Variants in SLC30A10 observed in about 807,000 individuals in gnomAD.
SLC30A10 encodes calcium/manganese antiporter SLC30A10.
SLC30A10 carries 8 observed loss-of-function variants against 21.7 expected under a neutral mutation model. The observed-to-expected ratio is 0.37, with a 90% CI of 0.22 to 0.67. The LOEUF (loss-of-function observed/expected upper bound fraction) is 0.67. Ranked by LOEUF, SLC30A10 falls within the 30% of genes least tolerant of loss-of-function variation. SLC30A10 has a pLI of 0.58. For synonymous variants in SLC30A10, 272 were observed against 279.4 expected (o/e 0.97, Z 0.26); for missense variants, 521 against 642.5 (o/e 0.81, Z 2.04).
chr1:219,943,466 C>G (rs1477396727), intron 1 of SLC30A10, among the ~76,000 whole-genome samples: 1 of 152,132 alleles, frequency 6.6e-6, no homozygotes, highest in Non-Finnish European at 1.5e-5. Flanking sequence ...ACCCCTTCCA[C>G]CAGCACAGTG....
upstream of SLC30A10, among the ~76,000 whole-genome samples, chr1:219,930,439 C>T (rs1313375593): frequency 2.6e-5 from 4 of 152,186 alleles, no homozygotes; most frequent in Non-Finnish European, 5.9e-5. Flanking sequence ...TGCCACTGCA[C>T]TCCAGCCTGG....
At chr1:219,917,708 CTTT>C (rs35106027) in intron 3 of SLC30A10, among the ~76,000 whole-genome samples, 7 of 104,066 alleles carry the variant, frequency 6.7e-5, no homozygotes, top group Non-Finnish European at 1.1e-4. Flanking sequence ...TTTTTCTTTC[CTTT>C]TTTTTTTTTT....
chr1:219,927,155 CAAAA>C, intron 1 of SLC30A10, 50 bp from the exon 2 acceptor site: 1 of 1,559,168 alleles, frequency 6.4e-7, no homozygotes, highest in Middle Eastern at 1.7e-4. Flanking sequence ...TACAAACAAA[CAAAA>C]AAAAACCAAT....
rs1659401007 is a variant in SLC30A10 at position 219,911,149 on chromosome 1, G to GTTATTTTTTTTTTTTTTTTTTTTT, written c.*4299_*4300insAAAAAAAAAAAAAAAAAAAAATAA. Among the ~76,000 whole-genome samples the GTTATTTTTTTTTTTTTTTTTTTTT allele has an allele frequency of 2.0e-5, 1 of 49,400 alleles. No homozygotes were observed. Among genetic ancestry groups the GTTATTTTTTTTTTTTTTTTTTTTT allele is most frequent in the Non-Finnish European group, 4.5e-5 (1 of 22,434 alleles). 32.4% of individuals were successfully genotyped at this position (49,400 alleles called of 152,430 possible). ...ATGTTTCTTCATTTTTTCTACATCA[G>GTTATTTTTTTTTTTTTTTTTTTTT]TTTTTTTTTTTTTTTTTTTTTTTTT... is the stretch of plus-strand genomic sequence containing the variant. On this transcript the variant is annotated 3_prime_UTR_variant, in exon 4 of 4. Coordinates refer to ENST00000366926, the MANE Select transcript of SLC30A10 (RefSeq NM_018713.3).
At chr1:219,941,447 G>A (rs2102542752) in intron 1 of SLC30A10, among the ~76,000 whole-genome samples, 1 of 152,226 alleles carries the variant, frequency 6.6e-6, no homozygotes. Flanking sequence ...CCCAAAGCAG[G>A]GGCTTCAAGT....
Position 219,928,508 on chromosome 1 carries a change from G to T in SLC30A10, c.-68C>A. ...CAGCCCACCCCGCGCGCAGCCACAG[G>T]TGGGGGGCGCGGCGCGGATCCGTGA... On this transcript the variant is annotated 5_prime_UTR_variant, in exon 1 of 4. Transcript: ENST00000366926. This position sits in a 1 kb window ranked among gnomAD's most constrained non-coding sequence, Gnocchi z 6.3. The T allele has an allele frequency of 7.3e-7, 1 of 1,367,080 alleles. No individual in the cohort carries two copies. The highest frequency in any genetic ancestry group is 9.5e-7 in the Non-Finnish European group (1 of 1,051,898). 84.7% of individuals were successfully genotyped at this position (1,367,080 alleles called of 1,614,324 possible).
chr1:219,927,210 C>A, intron 1 of SLC30A10, 105 bp from the exon 2 acceptor site: 2 of 1,193,276 alleles, frequency 1.7e-6, no homozygotes, highest in Non-Finnish European at 2.4e-6. Context: ...TTTCTACTAG[C>A]TTAAGGGAGA....
intron 1 of SLC30A10, among the ~76,000 whole-genome samples, chr1:219,945,978 C>G (rs1660182923): frequency 6.6e-6 from 1 of 152,100 alleles, no homozygotes; most frequent in African/African-American, 2.4e-5. Flanking sequence ...AGACTGTGCC[C>G]AAAAGAGGAA....
In SLC30A10 at chr1:219,912,170, CAAAAAAAAAAAAA is replaced by C. The variant is rs59792236; in HGVS notation, c.*3266_*3278del. ...CCACTGGAATTTGCTCTACCAATGG[CAAAAAAAAAAAAA>C]AAAAAAAAAAAAAGAACTAAATATG... On this transcript the variant is annotated 3_prime_UTR_variant, in exon 4 of 4. Coordinates refer to ENST00000366926, the MANE Select transcript of SLC30A10 (RefSeq NM_018713.3). Among the ~76,000 whole-genome samples the C allele has an allele frequency of 0.25, 18,813 of 75,580 alleles. 1,542 individuals carry two copies. The highest frequency in any genetic ancestry group is 0.44 in the East Asian group (1,345 of 3,048). The allele number at this position is 75,580 out of a possible 152,430, so 49.6% of individuals were successfully genotyped here.
At chr1:219,943,415 G>A (rs1660145868) in intron 1 of SLC30A10, among the ~76,000 whole-genome samples, 1 of 152,146 alleles carries the variant, frequency 6.6e-6, no homozygotes, top group Non-Finnish European at 1.5e-5. Context: ...GGCCAAGTGG[G>A]AAACTTGGAC....
chr1:219,928,453 C>T lies in SLC30A10; in HGVS notation c.-13G>A, dbSNP rs1385582921. 2.5e-6 allele frequency: 4 copies of T among 1,591,304 alleles called. No homozygotes were observed. The African/African-American group carries it at 4.1e-5, about 16-fold the overall frequency. ...AGTAGCGGCCCATCTCGCCACCAGCCCCGGGCGCCCGGCGCCGCCCAGGGG... is the reference window on the plus strand; with the variant it reads ...AGTAGCGGCCCATCTCGCCACCAGCTCCGGGCGCCCGGCGCCGCCCAGGGG... On this transcript the variant is annotated 5_prime_UTR_variant, in exon 1 of 4. Transcript: ENST00000366926. The surrounding 1 kb of genome is among the most constrained non-coding windows in gnomAD (Gnocchi z 6.3).
At chr1:219,954,693 A>G (rs142851591) in intron 1 of SLC30A10, among the ~76,000 whole-genome samples, 23,447 of 148,694 alleles carry the variant, frequency 0.16, 3,147 homozygotes, top group African/African-American at 0.37. Flanking sequence ...AAAAAAAAAA[A>G]AAAAAAAAAA....
chr1:219,919,383 G>T (rs1659622051), intron 2 of SLC30A10, among the ~76,000 whole-genome samples: 1 of 152,130 alleles, frequency 6.6e-6, no homozygotes, highest in South Asian at 2.1e-4. Flanking sequence ...AGTATAGTTT[G>T]CAAACCAGCA....
chr1:219,911,153 T>TTTTTTTG lies in SLC30A10; in HGVS notation c.*4295_*4296insCAAAAAA, dbSNP rs1659404778. Among the ~76,000 whole-genome samples the TTTTTTTG allele has an allele frequency of 9.4e-6, 1 of 106,748 alleles. No individual in the cohort carries two copies. The highest frequency in any genetic ancestry group is 1.8e-5 in the Non-Finnish European group (1 of 56,334). 70.0% of individuals were successfully genotyped at this position (106,748 alleles called of 152,430 possible). ...TTCTTCATTTTTTCTACATCAGTTT[T>TTTTTTTG]TTTTTTTTTTTTTTTTTTTTTGCAG... On this transcript the variant is annotated 3_prime_UTR_variant, in exon 4 of 4. Transcript: ENST00000366926.
upstream of SLC30A10, chr1:219,958,701 G>A (rs971903318): frequency 1.3e-5 from 2 of 152,600 alleles, no homozygotes; most frequent in African/African-American, 4.8e-5. Flanking sequence ...CTGTCTTCTG[G>A]GGATTGATGT....
upstream of SLC30A10, among the ~76,000 whole-genome samples, chr1:219,933,230 A>G (rs1344421732): frequency 6.6e-6 from 1 of 152,058 alleles, no homozygotes; most frequent in African/African-American, 2.4e-5. Context: ...CGCCACCTCC[A>G]TGGTTTCTTC....
chr1:219,917,684 G>T (rs761697817), intron 3 of SLC30A10, among the ~76,000 whole-genome samples: 17 of 147,596 alleles, frequency 1.2e-4, no homozygotes, highest in Non-Finnish European at 1.5e-4. Context: ...TCCAAGCATT[G>T]CATTCTTTTC....
At chr1:219,946,015 C>T (rs536299828) in intron 1 of SLC30A10, among the ~76,000 whole-genome samples, 3 of 152,160 alleles carry the variant, frequency 2.0e-5, no homozygotes, top group South Asian at 4.2e-4. Flanking sequence ...GTTTTACTTG[C>T]CTTTGGTCTT....
chr1:219,954,216 G>A (rs1188823612), intron 1 of SLC30A10, among the ~76,000 whole-genome samples: 1 of 152,018 alleles, frequency 6.6e-6, no homozygotes, highest in Non-Finnish European at 1.5e-5. Context: ...TTAACTAGAA[G>A]CTTGCATGAG....
Sources: gnomAD v4.1 joint callset for allele counts (sites outside exome capture counted in the v4.1 genomes callset) on GRCh38, gnomAD v4.1.1 for gene constraint, Gnocchi (gnomAD v3.1) non-coding constraint, MANE v1.5 for transcripts, NCBI Gene and HGNC (gene_info 2026-07-23, HGNC 2026-07-21) for gene names.